Variants in LYST observed in about 807,000 individuals in gnomAD.
LYST encodes the protein lysosomal-trafficking regulator.
Under a neutral mutation model 413.6 loss-of-function variants are expected in LYST, and 192 were observed. The ratio of observed to expected loss-of-function variants is 0.46; its 90% CI spans 0.41 to 0.52. LYST has a LOEUF of 0.52. Among genes scored for constraint, LYST ranks in the 20% least tolerant of loss-of-function variants. The probability of loss-of-function intolerance (pLI) is 0.00; values close to 1 mark genes in which losing one functional copy is unlikely to be tolerated. For missense variants in LYST, 3,815 were observed against 4,499.9 expected (o/e 0.85, Z 4.35); for synonymous variants, 1,525 against 1,567.3 (o/e 0.97, Z 0.64).
rs557004269 is a variant in LYST, at chr1:235,772,823, C to G, written c.5784+1019G>C. On this transcript the variant is annotated intron_variant, in intron 19 of 52. Transcript: ENST00000389793. ...GGTAAATGCAAGCCTTCAGCTGATCCAGATAAGCCCATATGCTCCTGCCTG... is the reference window on the plus strand; with the variant it reads ...GGTAAATGCAAGCCTTCAGCTGATCGAGATAAGCCCATATGCTCCTGCCTG... Among the ~76,000 whole-genome samples the G allele has an allele frequency of 3.9e-5, 6 of 152,258 alleles. No homozygotes were observed. In the South Asian group the frequency reaches 1.2e-3, roughly 32 times the overall value.
intron 14 of LYST, among the ~76,000 whole-genome samples, chr1:235,784,699 G>A (rs1265348859): frequency 1.3e-5 from 2 of 152,274 alleles, no homozygotes; most frequent in East Asian, 1.9e-4. Context: ...TGTATAAAGT[G>A]CCTAATACAG....
In LYST at chr1:235,731,087, T is replaced by C; in HGVS notation, c.8892A>G (p.Arg2964=). 6.2e-7 allele frequency: 1 copy of C among 1,613,808 alleles called. No individual in the cohort carries two copies. The highest frequency in any genetic ancestry group is 8.5e-7 in the Non-Finnish European group (1 of 1,179,686). ...GPNRERRRLQ[R]CYLTIPNKYL... is the part of the protein sequence containing the mutation. ...ACTTATTTGGAATAGTTAAATAACATCTCTGTAAACGTCTCCTCTCTCGAT... is the reference window on the plus strand; with the variant it reads ...ACTTATTTGGAATAGTTAAATAACACCTCTGTAAACGTCTCCTCTCTCGAT... The change falls in exon 35 of 53, where the codon AGA becomes AGG. Residue 2964 remains arginine, a synonymous_variant. Coordinates refer to ENST00000389793, the MANE Select transcript of LYST (RefSeq NM_000081.4).
intron 31 of LYST, chr1:235,738,030 A>C: frequency 6.5e-7 from 1 of 1,547,954 alleles, no homozygotes; most frequent in African/African-American, 1.4e-5. Flanking sequence ...GCTTATTCAC[A>C]GTCTTCTAAA....
intron 45 of LYST, among the ~76,000 whole-genome samples, chr1:235,699,166 G>T (rs1261020462): frequency 6.6e-6 from 1 of 151,966 alleles, no homozygotes; most frequent in Admixed American, 6.6e-5. Flanking sequence ...ATAGGTATAC[G>T]TGTGCCATGG....
chr1:235,817,450 A>C (rs778002722), intron 3 of LYST, among the ~76,000 whole-genome samples: 21 of 152,234 alleles, frequency 1.4e-4, no homozygotes, highest in Non-Finnish European at 5.9e-5. Flanking sequence ...ACTATTCACA[A>C]TAACAAATCA....
Position 235,828,890 on chromosome 1 carries a change from C to A in LYST, c.192+1336G>T, listed in dbSNP as rs1484366394. The A allele has an allele frequency of 1.1e-5, 10 of 893,518 alleles. No individual in the cohort carries two copies. In the South Asian group the frequency reaches 4.7e-4, roughly 42 times the overall value. The allele number at this position is 893,518 out of a possible 1,614,324, so 55.3% of individuals were successfully genotyped here. ...ATTTAATCACTCATTTAACAAATCA[C>A]ATTCATGAAAAAGAATAAAAATACA... On this transcript the variant is annotated intron_variant, in intron 3 of 52. Coordinates refer to ENST00000389793, the MANE Select transcript of LYST (RefSeq NM_000081.4).
intron 28 of LYST, among the ~76,000 whole-genome samples, chr1:235,749,830 G>A (rs1666304156): frequency 6.6e-6 from 1 of 152,162 alleles, no homozygotes; most frequent in African/African-American, 2.4e-5. Flanking sequence ...GGCTCAAGGT[G>A]ACAAAATGCT....
chr1:235,662,902 A>C lies in LYST; in HGVS notation c.*38T>G. ...GGTGAAGTCAACAAATCTAGTTTGGAGTTAAAGTGCTTTGGAGAACGTGAA... is the reference window on the plus strand; with the variant it reads ...GGTGAAGTCAACAAATCTAGTTTGGCGTTAAAGTGCTTTGGAGAACGTGAA... On this transcript the variant is annotated 3_prime_UTR_variant, in exon 53 of 53. Coordinates refer to ENST00000389793, the MANE Select transcript of LYST (RefSeq NM_000081.4). 1 of 1,144,948 alleles carries C rather than the reference A, an allele frequency of 8.7e-7. No homozygotes were observed. 70.9% of individuals were successfully genotyped at this position (1,144,948 alleles called of 1,614,324 possible).
chr1:235,843,786 AATG>A (rs1313848323), intron 1 of LYST, among the ~76,000 whole-genome samples: 1 of 152,226 alleles, frequency 6.6e-6, no homozygotes, highest in African/African-American at 2.4e-5. Flanking sequence ...AGGTTATAAT[AATG>A]ATATTTATTC....
chr1:235,666,737 T>C lies in LYST; in HGVS notation c.11039-2116A>G, dbSNP rs371097561. On this transcript the variant is annotated intron_variant, in intron 50 of 52. Transcript: ENST00000389793. The stretch of plus-strand genomic sequence containing the variant: ...TCAGTATGCTAAAGAAATAGAATTA[T>C]AGACAATATTTTCCATGAGTAGGCT... Among the ~76,000 whole-genome samples the C allele has an allele frequency of 1.3e-4, 20 of 152,270 alleles. No individual in the cohort carries two copies. In the South Asian group the frequency reaches 2.7e-3, roughly 21 times the overall value.
intron 29 of LYST, among the ~76,000 whole-genome samples, chr1:235,744,931 A>G (rs1665770472): frequency 6.6e-6 from 1 of 151,754 alleles, no homozygotes; most frequent in Non-Finnish European, 1.5e-5. Context: ...AAAGAAAAGT[A>G]AAAAAAGCTA....
rs1396553707 is a variant in LYST at position 235,818,551 on chromosome 1, A to C, written c.193-5490T>G. 2.0e-5 allele frequency among the ~76,000 whole-genome samples: 3 copies of C among 152,280 alleles called. No homozygotes were observed. In the East Asian group the frequency reaches 5.8e-4, roughly 29 times the overall value. ...TTACTTCCAAATAATAAAACTAAAG[A>C]TGTACAGATAACATTTCCATGTATA... On this transcript the variant is annotated intron_variant, in intron 3 of 52. Transcript: ENST00000389793.
chr1:235,718,908 G>T (rs762486410), intron 40 of LYST, among the ~76,000 whole-genome samples: 1 of 152,034 alleles, frequency 6.6e-6, no homozygotes, highest in Non-Finnish European at 1.5e-5. Context: ...ATGACCTTAC[G>T]TTTCTTTTTA....
intron 1 of LYST, among the ~76,000 whole-genome samples, chr1:235,836,845 T>C (rs1190908202): frequency 6.6e-6 from 1 of 152,208 alleles, no homozygotes; most frequent in African/African-American, 2.4e-5. Flanking sequence ...GTTTTAGCTA[T>C]GTTAGGTGTG....
intron 1 of LYST, among the ~76,000 whole-genome samples, chr1:235,862,613 C>T (rs1217550224): frequency 2.0e-5 from 3 of 152,000 alleles, no homozygotes; most frequent in Non-Finnish European, 4.4e-5. Context: ...CTGGGCAACA[C>T]GGTGAAACCC....
intron 49 of LYST, 77 bp downstream of exon 49, chr1:235,677,403 T>A: frequency 7.0e-7 from 1 of 1,437,652 alleles, no homozygotes; most frequent in Non-Finnish European, 9.8e-7. Context: ...AAGACATTAT[T>A]TTGGTTTATC....
chr1:235,862,885 C>T (rs1680067307), intron 1 of LYST, among the ~76,000 whole-genome samples: 1 of 151,574 alleles, frequency 6.6e-6, no homozygotes, highest in Non-Finnish European at 1.5e-5. Context: ...TAAAACCAAC[C>T]ACTTCTGCTC....
At chr1:235,811,912 A>C (rs763360658) in intron 4 of LYST, among the ~76,000 whole-genome samples, 2 of 152,164 alleles carry the variant, frequency 1.3e-5, no homozygotes, top group Non-Finnish European at 2.9e-5. Context: ...GTGAATCAAT[A>C]AATAAGCAGA....
At chr1:235,665,954 G>C (rs1478702857) in intron 50 of LYST, among the ~76,000 whole-genome samples, 1 of 152,102 alleles carries the variant, frequency 6.6e-6, no homozygotes, top group Non-Finnish European at 1.5e-5. Context: ...GATAAAGTTT[G>C]ATGACATAGT....
Sources: allele counts gnomAD v4.1 joint callset (sites outside exome capture counted in the v4.1 genomes callset), GRCh38; gene constraint gnomAD v4.1.1; transcripts MANE v1.5; gene names NCBI Gene and HGNC (gene_info 2026-07-23, HGNC 2026-07-21).